Variants in HOOK1 observed in about 807,000 individuals in gnomAD.
HOOK1 encodes protein Hook homolog 1.
A neutral mutation model predicts 112.8 loss-of-function variants in HOOK1; 60 were observed. The observed-to-expected ratio is 0.53, with a 90% CI of 0.43 to 0.66. HOOK1 has a LOEUF of 0.66. HOOK1 is among the 30% of genes least tolerant of loss of function. The pLI, the probability that HOOK1 is intolerant of heterozygous loss-of-function variation, is 0.00. For synonymous variants in HOOK1, 294 were observed against 283.8 expected, an observed-to-expected ratio of 1.04 and a Z score of -0.36; for missense variants, 770 against 856.0, an observed-to-expected ratio of 0.90 and a Z score of 1.25.
At position 59,876,206 on chromosome 1, in the gene HOOK1, A is replaced by G. The variant is rs939511304; in HGVS notation, c.*3241A>G. 1 of 152,688 alleles carries G rather than the reference A, an allele frequency of 6.5e-6. No homozygotes were observed. The highest frequency in any genetic ancestry group is 2.4e-5 in the African/African-American group (1 of 41,478). The allele number at this position is 152,688 out of a possible 1,614,324, so 9.5% of individuals were successfully genotyped here. On this transcript the variant is annotated 3_prime_UTR_variant, in exon 22 of 22. Coordinates refer to ENST00000371208, the MANE Select transcript of HOOK1 (RefSeq NM_015888.6). The stretch of plus-strand genomic sequence containing the variant: ...ACAAATGTAATGTTTAGCTTATAAA[A>G]GGTCCTTTCTATTTTCTATGGCAAA...
intron 12 of HOOK1, among the ~76,000 whole-genome samples, chr1:59,852,034 A>G (rs982327998): frequency 6.6e-6 from 1 of 151,698 alleles, no homozygotes; most frequent in African/African-American, 2.4e-5. Flanking sequence ...TTCATAATAT[A>G]TACTTTAAAA....
At chr1:59,816,896 T>C (rs528900819) in intron 1 of HOOK1, among the ~76,000 whole-genome samples, 15 of 152,300 alleles carry the variant, frequency 9.8e-5, no homozygotes, top group Non-Finnish European at 2.2e-4. Flanking sequence ...AAACGCACCT[T>C]TTCTCCTAAC....
rs923161001 is a variant in HOOK1, at chr1:59,848,574, C to T, written c.1131+58C>T. Reference sequence around the variant, plus strand: ...TTGTAAGAGTTTAACTTTGTTATTCCTTTTGATGTCTTAAGAATGGTAAAG... The same window carrying T: ...TTGTAAGAGTTTAACTTTGTTATTCTTTTTGATGTCTTAAGAATGGTAAAG... On this transcript the variant is annotated intron_variant, in intron 11 of 21. Transcript: ENST00000371208. 40 of 1,179,312 alleles carry T rather than the reference C, an allele frequency of 3.4e-5. No individual in the cohort carries two copies. In the African/African-American group the frequency reaches 5.0e-4, roughly 15 times the overall value. 73.1% of individuals were successfully genotyped at this position (1,179,312 alleles called of 1,614,324 possible). A position where few individuals can be genotyped will look rare whatever the true frequency, so the allele number is the denominator to read the frequency against.
intron 4 of HOOK1, 135 bp downstream of exon 4, chr1:59,832,348 A>C (rs2098394612): frequency 6.7e-6 from 4 of 597,326 alleles, no homozygotes; most frequent in Non-Finnish European, 1.2e-5. Flanking sequence ...TTTTATTGTC[A>C]TTTTTATAGA....
At chr1:59,832,575 G>A (rs141544266) in intron 4 of HOOK1, among the ~76,000 whole-genome samples, 147 of 152,068 alleles carry the variant, frequency 9.7e-4, no homozygotes, top group African/African-American at 3.5e-3. Context: ...CAGTAGCAAA[G>A]ACATAAATGA....
At chr1:59,852,706 T>G (rs541125679) in intron 12 of HOOK1, among the ~76,000 whole-genome samples, 1 of 151,764 alleles carries the variant, frequency 6.6e-6, no homozygotes, top group Non-Finnish European at 1.5e-5. Context: ...ATATAAGTTT[T>G]TTTTTCCTAG....
Position 59,834,457 on chromosome 1 carries a change from C to G in HOOK1, c.407-888C>G, listed in dbSNP as rs72921694. ...AGAGAATTTTTATATTAGTCCATCT[C>G]TACTATTTACTAGAAGTTTTTTTCT... On this transcript the variant is annotated intron_variant, in intron 5 of 21. Coordinates refer to ENST00000371208, the MANE Select transcript of HOOK1 (RefSeq NM_015888.6). Among the ~76,000 whole-genome samples, 612 of 152,242 alleles carry G rather than the reference C, an allele frequency of 4.0e-3. 3 individuals carry two copies. Among genetic ancestry groups the G allele is most frequent in the African/African-American group, 0.014 (574 of 41,546 alleles).
intron 12 of HOOK1, among the ~76,000 whole-genome samples, chr1:59,851,709 T>C (rs957056048): frequency 9.2e-5 from 14 of 151,674 alleles, no homozygotes; most frequent in Non-Finnish European, 1.9e-4. Flanking sequence ...AAAAGTGGCA[T>C]GAACAGATAT....
rs1393373244 is a variant in HOOK1 at position 59,876,288 on chromosome 1, G to T, written c.*3323G>T. On this transcript the variant is annotated 3_prime_UTR_variant, in exon 22 of 22. Transcript: ENST00000371208. ...TTGATTTATTTTTGTAAGTATTTAG[G>T]ATATTATTTTAAATAAATGATTGTC... 1 of 152,526 alleles carries T rather than the reference G, an allele frequency of 6.6e-6. No homozygotes were observed. Among genetic ancestry groups the T allele is most frequent in the African/African-American group, 2.4e-5 (1 of 41,416 alleles). 9.4% of individuals were successfully genotyped at this position (152,526 alleles called of 1,614,324 possible).
chr1:59,816,113 G>T (rs1480499180), intron 1 of HOOK1, among the ~76,000 whole-genome samples: 6 of 152,190 alleles, frequency 3.9e-5, no homozygotes, highest in Non-Finnish European at 7.3e-5. Flanking sequence ...TGCGTCTAGG[G>T]GAGTGTGTGC....
intron 7 of HOOK1, among the ~76,000 whole-genome samples, chr1:59,837,138 G>A (rs957884569): frequency 6.6e-6 from 1 of 152,186 alleles, no homozygotes; most frequent in Non-Finnish European, 1.5e-5. Context: ...GAGTTGAGTG[G>A]CATTGAACAT....
At chr1:59,833,056 A>G (rs138344511) in intron 4 of HOOK1, among the ~76,000 whole-genome samples, 109 of 152,296 alleles carry the variant, frequency 7.2e-4, no homozygotes, top group African/African-American at 2.5e-3. Context: ...TGAAAATATT[A>G]TGAATATTCT....
intron 1 of HOOK1, 24 bp from the exon 2 acceptor site, chr1:59,821,834 A>G: frequency 1.3e-6 from 2 of 1,525,764 alleles, no homozygotes; most frequent in Non-Finnish European, 1.8e-6. Flanking sequence ...AAGCAGTAAG[A>G]TCATTTGATT....
intron 20 of HOOK1, among the ~76,000 whole-genome samples, chr1:59,868,757 A>T (rs1216397457): frequency 6.6e-6 from 1 of 152,214 alleles, no homozygotes; most frequent in East Asian, 1.9e-4. Context: ...GCCGTTTCTC[A>T]CCTGAACCTA....
At chr1:59,838,541 G>A (rs986226427) in intron 7 of HOOK1, among the ~76,000 whole-genome samples, 1 of 151,936 alleles carries the variant, frequency 6.6e-6, no homozygotes, top group African/African-American at 2.4e-5. Context: ...TTTTTGATGG[G>A]GTTTTTTGCT....
chr1:59,843,705 G>T, intron 9 of HOOK1, 107 bp downstream of exon 9: 1 of 841,406 alleles, frequency 1.2e-6, no homozygotes, highest in Non-Finnish European at 1.8e-6. Flanking sequence ...GCATCTTTAG[G>T]ATACTGATTA....
intron 7 of HOOK1, 91 bp downstream of exon 7, chr1:59,837,026 A>G (rs1167062751): frequency 3.3e-5 from 25 of 755,134 alleles, no homozygotes; most frequent in Non-Finnish European, 4.6e-5. Flanking sequence ...GAGAGCATAT[A>G]CAATAATATT....
At chr1:59,835,475 T>C (rs1350034404) in intron 6 of HOOK1, 63 bp downstream of exon 6, 32 of 895,824 alleles carry the variant, frequency 3.6e-5, no homozygotes, top group East Asian at 1.5e-4. Flanking sequence ...AAACTTTTCA[T>C]ACTTTATGCT....
intron 2 of HOOK1, 26 bp from the exon 3 acceptor site, chr1:59,828,754 T>C: frequency 6.2e-7 from 1 of 1,602,550 alleles, no homozygotes; most frequent in South Asian, 1.1e-5. Context: ...TTTTCATCTT[T>C]AGTATTTTTT....
Sources: gnomAD v4.1 joint callset for allele counts (sites outside exome capture counted in the v4.1 genomes callset) on GRCh38, gnomAD v4.1.1 for gene constraint, MANE v1.5 for transcripts, NCBI Gene and HGNC (gene_info 2026-07-23, HGNC 2026-07-21) for gene names.